Variants in KCNH7 observed in about 807,000 individuals in gnomAD.
KCNH7 encodes potassium voltage-gated channel subfamily H member 7.
In KCNH7, 49 loss-of-function variants were observed where a neutral mutation model predicts 120.8. That is an observed-to-expected ratio of 0.41 (90% CI 0.32 to 0.51). KCNH7 has a LOEUF of 0.51. Ranked by LOEUF, KCNH7 falls within the 20% of genes least tolerant of loss-of-function variation. KCNH7 has a pLI of 0.38. For synonymous variants in KCNH7, 547 were observed against 516.1 expected, an observed-to-expected ratio of 1.06 and a Z score of -0.81; for missense variants, 1,097 against 1,446.6, an observed-to-expected ratio of 0.76 and a Z score of 3.92.
chr2:162,587,442 G>A (rs1694055362), intron 2 of KCNH7, among the ~76,000 whole-genome samples: 1 of 152,016 alleles, frequency 6.6e-6, no homozygotes, highest in African/African-American at 2.4e-5. Context: ...CTAATACAGA[G>A]TTCATGTTGC....
intron 2 of KCNH7, among the ~76,000 whole-genome samples, chr2:162,687,879 T>C (rs1685952916): frequency 6.6e-6 from 1 of 152,168 alleles, no homozygotes; most frequent in Admixed American, 6.6e-5. Context: ...AAATAAAAAC[T>C]ATGTGTATGT....
chr2:162,470,094 A>C (rs997327485), intron 6 of KCNH7, among the ~76,000 whole-genome samples: 8 of 152,056 alleles, frequency 5.3e-5, no homozygotes, highest in Non-Finnish European at 7.4e-5. Context: ...TGGCCTCCCA[A>C]AGTGCCGAGA....
At chr2:162,711,312 GGCT>G (rs1312762480) in intron 2 of KCNH7, among the ~76,000 whole-genome samples, 1 of 152,192 alleles carries the variant, frequency 6.6e-6, no homozygotes, top group Non-Finnish European at 1.5e-5. Context: ...CTTTCACTGA[GGCT>G]GCTATTACCA....
At chr2:162,378,154 A>G (rs769093947) in intron 14 of KCNH7, among the ~76,000 whole-genome samples, 4 of 152,186 alleles carry the variant, frequency 2.6e-5, no homozygotes, top group African/African-American at 4.8e-5. Flanking sequence ...ATTTTTACCT[A>G]TCTGCAAGTA....
intron 2 of KCNH7, among the ~76,000 whole-genome samples, chr2:162,638,917 A>G (rs1684053304): frequency 6.6e-6 from 1 of 152,166 alleles, no homozygotes; most frequent in Non-Finnish European, 1.5e-5. Context: ...ACATCTATCC[A>G]TATAAATCAG....
At chr2:162,480,375 C>A (rs1689891031) in intron 6 of KCNH7, among the ~76,000 whole-genome samples, 1 of 152,068 alleles carries the variant, frequency 6.6e-6, no homozygotes, top group African/African-American at 2.4e-5. Flanking sequence ...ATGACTATAG[C>A]AATGGGATTG....
At chr2:162,785,217 C>A (rs940920663) in intron 2 of KCNH7, 3 of 152,202 alleles carry the variant, frequency 2.0e-5, no homozygotes, top group Non-Finnish European at 4.4e-5. Context: ...GTTAACTATA[C>A]ATATATTTCA....
At chr2:162,463,355 C>T (rs1269441700) in intron 6 of KCNH7, among the ~76,000 whole-genome samples, 4 of 151,864 alleles carry the variant, frequency 2.6e-5, no homozygotes, top group Non-Finnish European at 4.4e-5. Flanking sequence ...TTCCTTCCCT[C>T]CCTTTCTTCC....
At chr2:162,421,679 A>G (rs1377097320) in intron 9 of KCNH7, among the ~76,000 whole-genome samples, 1 of 152,200 alleles carries the variant, frequency 6.6e-6, no homozygotes, top group Non-Finnish European at 1.5e-5. Flanking sequence ...GGAAAGAGAT[A>G]AATCTTTCAT....
Position 162,680,472 on chromosome 2 carries a change from G to T in KCNH7, c.308-143392C>A, listed in dbSNP as rs576435358. Among the ~76,000 whole-genome samples the T allele has an allele frequency of 3.3e-5, 5 of 151,764 alleles. No homozygotes were observed. In the East Asian group the frequency reaches 9.7e-4, roughly 29 times the overall value. On this transcript the variant is annotated intron_variant, in intron 2 of 15. Transcript: ENST00000332142. Reference sequence around the variant, plus strand: ...GTTTTTTGTTTTTCCCGTAGCAATAGCTGAATGTCTACAAAATGTATATGT... The same window carrying T: ...GTTTTTTGTTTTTCCCGTAGCAATATCTGAATGTCTACAAAATGTATATGT...
intron 2 of KCNH7, chr2:162,538,221 A>G (rs1417750320): frequency 6.6e-6 from 1 of 151,996 alleles, no homozygotes; most frequent in Non-Finnish European, 1.5e-5. Flanking sequence ...AGCATATTTT[A>G]TTTACTTATT....
At chr2:162,496,801 T>G (rs1204342114) in intron 6 of KCNH7, 1 of 152,222 alleles carries the variant, frequency 6.6e-6, no homozygotes, top group Non-Finnish European at 1.5e-5. Context: ...TGAAAAGTAC[T>G]GCTATATATA....
chr2:162,395,437 T>C (rs953599818), intron 11 of KCNH7, among the ~76,000 whole-genome samples: 1 of 151,756 alleles, frequency 6.6e-6, no homozygotes, highest in Non-Finnish European at 1.5e-5. Flanking sequence ...ATTATTTTGC[T>C]CCCAGATCCT....
chr2:162,647,130 C>T (rs543399974), intron 2 of KCNH7, among the ~76,000 whole-genome samples: 1 of 152,136 alleles, frequency 6.6e-6, no homozygotes. Context: ...GATAGAGAAC[C>T]TTAGTTTATG....
chr2:162,393,551 G>C (rs1686806949), intron 12 of KCNH7, among the ~76,000 whole-genome samples: 1 of 151,876 alleles, frequency 6.6e-6, no homozygotes, highest in Admixed American at 6.6e-5. Flanking sequence ...AGGAAAATAG[G>C]AAGATTGAAG....
intron 2 of KCNH7, among the ~76,000 whole-genome samples, chr2:162,754,364 A>G (rs1001913165): frequency 6.6e-6 from 1 of 152,182 alleles, no homozygotes; most frequent in Non-Finnish European, 1.5e-5. Flanking sequence ...TTACTTTTAT[A>G]ACAAGGGATA....
At chr2:162,629,731 G>T (rs1683698272) in intron 2 of KCNH7, among the ~76,000 whole-genome samples, 1 of 152,034 alleles carries the variant, frequency 6.6e-6, no homozygotes, top group East Asian at 1.9e-4. Flanking sequence ...ATTGGCCATG[G>T]TATGAGTATT....
chr2:162,728,581 C>A (rs1404661219), intron 2 of KCNH7, among the ~76,000 whole-genome samples: 1 of 152,110 alleles, frequency 6.6e-6, no homozygotes, highest in African/African-American at 2.4e-5. Context: ...GAGTTCGAGA[C>A]CAGCCTGACC....
intron 2 of KCNH7, among the ~76,000 whole-genome samples, chr2:162,541,895 A>G (rs1692317558): frequency 6.6e-6 from 1 of 152,136 alleles, no homozygotes; most frequent in South Asian, 2.1e-4. Context: ...GGCTAAGAGA[A>G]GAGGTATTTC....
Sources: allele counts gnomAD v4.1 joint callset (sites outside exome capture counted in the v4.1 genomes callset), GRCh38; gene constraint gnomAD v4.1.1; transcripts MANE v1.5; gene names NCBI Gene and HGNC (gene_info 2026-07-23, HGNC 2026-07-21).